Variants in RASSF4 observed in about 807,000 individuals in gnomAD.
RASSF4 encodes the protein ras association domain-containing protein 4.
A neutral mutation model predicts 41.1 loss-of-function variants in RASSF4; 38 were observed. The ratio of observed to expected loss-of-function variants is 0.92; its 90% confidence interval spans 0.71 to 1.21. The LOEUF (loss-of-function observed/expected upper bound fraction) is 1.21. Among genes scored for constraint, RASSF4 ranks in the 50% most tolerant of loss-of-function variants. RASSF4 has a pLI of 0.00. For synonymous variants in RASSF4, 179 were observed against 163.4 expected, an observed-to-expected ratio of 1.10 and a Z score of -0.73; for missense variants, 414 against 419.4, an observed-to-expected ratio of 0.99 and a Z score of 0.11.
At position 44,970,213 on chromosome 10, in the gene RASSF4, ACTGT is replaced by A; in HGVS notation, c.15_18del (p.Leu6ArgfsTer19). 1 of 1,613,904 alleles carries A rather than the reference ACTGT, an allele frequency of 6.2e-7. No homozygotes were observed. The highest frequency in any genetic ancestry group is 8.5e-7 in the Non-Finnish European group (1 of 1,179,744). On this transcript the variant is annotated frameshift_variant, in exon 2 of 11. Transcript: ENST00000340258. LOFTEE classifies it high-confidence loss of function. ...CAAGAGGAAGAGAAGATGAAGGAAG[ACTGT>A]CTGCCGAGTTCTCACGTGCCCATCA...
chr10:44,983,076 A>G, intron 4 of RASSF4: 1 of 429,380 alleles, frequency 2.3e-6, no homozygotes, highest in Non-Finnish European at 4.7e-6. Context: ...TAAATTTATC[A>G]GAATTTCACA....
intron 10 of RASSF4, among the ~76,000 whole-genome samples, 183 bp from the exon 11 acceptor site, chr10:44,993,086 C>T (rs555504098): frequency 3.3e-5 from 5 of 152,308 alleles, no homozygotes; most frequent in Middle Eastern, 3.4e-3. Flanking sequence ...TCTGTGCAGT[C>T]CACAGCCTGG....
chr10:44,985,980 G>A (rs1588841233), intron 6 of RASSF4, among the ~76,000 whole-genome samples: 1 of 152,188 alleles, frequency 6.6e-6, no homozygotes, highest in South Asian at 2.1e-4. Flanking sequence ...ATTAACAAAG[G>A]TGTAGATTAG....
In RASSF4 at chr10:44,972,670, A is replaced by T. The variant is rs116690955; in HGVS notation, c.138+822A>T. 8.7e-3 allele frequency among the ~76,000 whole-genome samples: 1,317 copies of T among 152,242 alleles called. 13 individuals are homozygous for T. Among genetic ancestry groups the T allele is most frequent in the African/African-American group, 0.03 (1,265 of 41,530 alleles). ...CACATCCTCTGATGTTTCATGCGGGAATCTTGGTTGGGCTTTGTGGCCCTA... is the reference window on the plus strand; with the variant it reads ...CACATCCTCTGATGTTTCATGCGGGTATCTTGGTTGGGCTTTGTGGCCCTA... On this transcript the variant is annotated intron_variant, in intron 3 of 10. Transcript: ENST00000340258.
At chr10:44,987,621 G>A (rs1390376079) in intron 6 of RASSF4, among the ~76,000 whole-genome samples, 40 of 133,660 alleles carry the variant, frequency 3.0e-4, no homozygotes, top group African/African-American at 1.2e-3. Context: ...TTGCAAAAAT[G>A]TGCACTTTTT....
At chr10:44,979,587 G>A (rs1167797601) in intron 3 of RASSF4, among the ~76,000 whole-genome samples, 1 of 152,118 alleles carries the variant, frequency 6.6e-6, no homozygotes, top group Non-Finnish European at 1.5e-5. Flanking sequence ...TCTTCCCTAA[G>A]AGCAGATATT....
At chr10:44,993,231 T>G in intron 10 of RASSF4, 38 bp from the exon 11 acceptor site, 1 of 1,597,730 alleles carries the variant, frequency 6.3e-7, no homozygotes, top group South Asian at 1.1e-5. Context: ...CTGCCCTGTC[T>G]GGCCTCAGTG....
At position 44,983,249 on chromosome 10, in the gene RASSF4, C is replaced by T. The variant is rs369268357; in HGVS notation, c.281+586C>T. 110 of 302,666 alleles carry T rather than the reference C, an allele frequency of 3.6e-4. 1 individual carries two copies. Among genetic ancestry groups the T allele is most frequent in the African/African-American group, 2.2e-3 (102 of 45,396 alleles). The allele number at this position is 302,666 out of a possible 1,614,324, so 18.7% of individuals were successfully genotyped here. On this transcript the variant is annotated intron_variant, in intron 4 of 10. Transcript: ENST00000340258. ...CTGCAGTAGTAACTCCTGTAGAGGGCACACATTCAGAGCTTTGCCCCCTTC... is the reference window on the plus strand; with the variant it reads ...CTGCAGTAGTAACTCCTGTAGAGGGTACACATTCAGAGCTTTGCCCCCTTC...
chr10:44,993,231 TG>T, intron 10 of RASSF4, 37 bp from the exon 11 acceptor site: 1 of 1,597,728 alleles, frequency 6.3e-7, no homozygotes, highest in Non-Finnish European at 8.6e-7. Context: ...CTGCCCTGTC[TG>T]GCCTCAGTGA....
At chr10:44,984,552 A>C in intron 5 of RASSF4, 1 of 545,664 alleles carries the variant, frequency 1.8e-6, no homozygotes, top group Non-Finnish European at 3.3e-6. Context: ...GGGGCCACCA[A>C]AGACCTCCAT....
intron 8 of RASSF4, among the ~76,000 whole-genome samples, chr10:44,990,296 T>G (rs1309240281): frequency 3.3e-5 from 5 of 152,236 alleles, no homozygotes; most frequent in African/African-American, 1.2e-4. Flanking sequence ...GCCCTGTATT[T>G]AGATTAACAA....
intron 1 of RASSF4, among the ~76,000 whole-genome samples, chr10:44,969,605 T>C (rs1403864187): frequency 6.6e-6 from 1 of 152,220 alleles, no homozygotes; most frequent in African/African-American, 2.4e-5. Flanking sequence ...TGTCTTCTCA[T>C]CTGTAAAATG....
rs146592420 is a variant in RASSF4 at position 44,984,104 on chromosome 10, G to A, written c.364G>A (p.Asp122Asn). The change falls in exon 5 of 11, where the codon GAC becomes AAC. Residue 122 changes from aspartate (D) to asparagine (N), a missense_variant. Transcript: ENST00000340258. ...QPVHKAESST[D>N]SSGPLEEAEE... ...AGTGCACAAGGCTGAGAGTTCCACA[G>A]ACAGCTCGGGTAAGCGGAGCCCGCA... 2.4e-5 allele frequency: 38 copies of A among 1,602,018 alleles called. No homozygotes were observed. The African/African-American group carries it at 4.4e-4, about 19-fold the overall frequency.
rs762020716 is a variant in RASSF4 at position 44,989,703 on chromosome 10, A to G, written c.667A>G (p.Ile223Val). The G allele has an allele frequency of 6.2e-6, 10 of 1,614,014 alleles. No individual in the cohort carries two copies. Among genetic ancestry groups the G allele is most frequent in the Admixed American group, 3.3e-5 (2 of 59,996 alleles). ...EDGPSEFALY[I>V]VHESGERTKL... ...TGGCCCCAGTGAGTTCGCACTCTAC[A>G]TCGTTCACGAGTCTGGGGGTAAGTA... The change falls in exon 8 of 11, where the codon ATC becomes GTC. Residue 223 changes from isoleucine to valine, a missense_variant. By Grantham distance (29) the Ile-to-Val change is conservative. Coordinates refer to ENST00000340258, the MANE Select transcript of RASSF4 (RefSeq NM_032023.4).
In RASSF4 at chr10:44,983,158, T is replaced by G; in HGVS notation, c.281+495T>G. The G allele has an allele frequency of 8.3e-6, 3 of 360,888 alleles. No individual in the cohort carries two copies. The East Asian group carries it at 2.2e-4, about 27-fold the overall frequency. 22.4% of individuals were successfully genotyped at this position (360,888 alleles called of 1,614,324 possible). A position where few individuals can be genotyped will look rare whatever the true frequency, so the allele number is the denominator to read the frequency against. On this transcript the variant is annotated intron_variant, in intron 4 of 10. Transcript: ENST00000340258. ...GTCTCCTGCCTGCCTTACCATTCAA[T>G]GCACATTTATCTCCTCCTCGGCCCA...
Position 44,981,031 on chromosome 10 carries a change from A to T in RASSF4, c.139-1490A>T, listed in dbSNP as rs371628321. The stretch of plus-strand genomic sequence containing the variant: ...TGTGTGTATATTTGATAACCTTTGG[A>T]TACACTATTTTCTCTGTGGATGGCA... On this transcript the variant is annotated intron_variant, in intron 3 of 10. Coordinates refer to ENST00000340258, the MANE Select transcript of RASSF4 (RefSeq NM_032023.4). 3.9e-5 allele frequency: 6 copies of T among 152,178 alleles called. No homozygotes were observed. The South Asian group carries it at 8.3e-4, about 21-fold the overall frequency. The allele number at this position is 152,178 out of a possible 1,614,324, so 9.4% of individuals were successfully genotyped here.
At position 44,992,015 on chromosome 10, in the gene RASSF4, TAAAC is replaced by T. The variant is rs773962391; in HGVS notation, c.905+15_905+18del. 9 of 1,537,278 alleles carry T rather than the reference TAAAC, an allele frequency of 5.9e-6. No individual in the cohort carries two copies. The East Asian group carries it at 1.8e-4, about 31-fold the overall frequency. On this transcript the variant is annotated intron_variant, in intron 10 of 10. Transcript: ENST00000340258. ...AACTGACCATGAAGTAAGCAGCACT[TAAAC>T]AGACAGTCATGGGTCCTGAACATCA...
Position 44,994,732 on chromosome 10 carries a change from T to C in RASSF4, c.*1403T>C, listed in dbSNP as rs201773641. The C allele has an allele frequency of 5.6e-4, 81 of 145,746 alleles. No homozygotes were observed. Among genetic ancestry groups the C allele is most frequent in the African/African-American group, 1.9e-3 (77 of 40,408 alleles). The allele number at this position is 145,746 out of a possible 1,614,324, so 9.0% of individuals were successfully genotyped here. A position where few individuals can be genotyped will look rare whatever the true frequency, so the allele number is the denominator to read the frequency against. On this transcript the variant is annotated 3_prime_UTR_variant, in exon 11 of 11. Coordinates refer to ENST00000340258, the MANE Select transcript of RASSF4 (RefSeq NM_032023.4). Reference sequence around the variant, plus strand: ...GAACTGAAGAAGTGAGAACCAAGCTTTTTTTTTTTTTTTTGCTTTCTGTGC... The same window carrying C: ...GAACTGAAGAAGTGAGAACCAAGCTCTTTTTTTTTTTTTTGCTTTCTGTGC...
chr10:44,977,749 G>C, intron 3 of RASSF4: 2 of 1,602,206 alleles, frequency 1.2e-6, no homozygotes, highest in Non-Finnish European at 1.7e-6. Flanking sequence ...TGGGCAGTGT[G>C]GGCTGCTGGC....
Sources: gnomAD v4.1 joint callset for allele counts (sites outside exome capture counted in the v4.1 genomes callset) on GRCh38, gnomAD v4.1.1 for gene constraint, MANE v1.5 for transcripts, NCBI Gene and HGNC (gene_info 2026-07-23, HGNC 2026-07-21) for gene names.